Variants in EYS observed in about 807,000 individuals in gnomAD.
EYS encodes the protein EGF-like photoreceptor maintenance factor.
A neutral mutation model predicts 282.1 loss-of-function variants in EYS; 250 were observed. That is an observed-to-expected ratio of 0.89 (90% CI 0.80 to 0.98). The LOEUF (loss-of-function observed/expected upper bound fraction) is 0.98. EYS is among the 50% of genes least tolerant of loss of function. EYS has a pLI of 0.00. For synonymous variants in EYS, 1,355 were observed against 1,282.9 expected (o/e 1.06, Z -1.20); for missense variants, 4,016 against 3,709.0 (o/e 1.08, Z -2.15).
At chr6:64,168,260 C>CAATA (rs377467664) in intron 31 of EYS, among the ~76,000 whole-genome samples, 87 of 151,386 alleles carry the variant, frequency 5.7e-4, no homozygotes, top group East Asian at 2.1e-3. Flanking sequence ...AACTCCATTT[C>CAATA]AATAAATAAA....
At chr6:65,632,350 T>G (rs1766946871) in intron 2 of EYS, among the ~76,000 whole-genome samples, 1 of 152,172 alleles carries the variant, frequency 6.6e-6, no homozygotes, top group African/African-American at 2.4e-5. Context: ...GTGTAAATAC[T>G]CAAATAAAAT....
chr6:64,147,193 G>T (rs113365202), intron 31 of EYS, among the ~76,000 whole-genome samples: 2 of 152,038 alleles, frequency 1.3e-5, no homozygotes, highest in African/African-American at 4.8e-5. Context: ...AGTATCTGCC[G>T]TTGGGAGATC....
At chr6:64,103,907 T>C (rs1345168118) in intron 31 of EYS, among the ~76,000 whole-genome samples, 7 of 152,016 alleles carry the variant, frequency 4.6e-5, no homozygotes, top group African/African-American at 1.7e-4. Flanking sequence ...GACTTGGCAA[T>C]GAGTATGTTG....
chr6:65,243,780 G>A (rs1036487784), intron 12 of EYS, among the ~76,000 whole-genome samples: 7 of 151,978 alleles, frequency 4.6e-5, no homozygotes, highest in African/African-American at 9.7e-5. Flanking sequence ...GTGGTGGCAC[G>A]GGCCTGTAAT....
chr6:63,738,066 T>C (rs1768970268), intron 41 of EYS, among the ~76,000 whole-genome samples: 1 of 152,092 alleles, frequency 6.6e-6, no homozygotes, highest in Admixed American at 6.5e-5. Flanking sequence ...AGAATGGTAA[T>C]CATTAAAAAG....
At chr6:65,009,209 C>A (rs994297087) in intron 13 of EYS, among the ~76,000 whole-genome samples, 1 of 152,056 alleles carries the variant, frequency 6.6e-6, no homozygotes, top group Non-Finnish European at 1.5e-5. Flanking sequence ...CTTTCCCTAC[C>A]AAAGGCAGTA....
chr6:65,355,478 G>T (rs774050681), intron 8 of EYS, among the ~76,000 whole-genome samples: 6 of 152,012 alleles, frequency 3.9e-5, no homozygotes, highest in Admixed American at 1.3e-4. Context: ...AATAAGACTT[G>T]ATTAACCTAA....
At chr6:64,515,771 G>A (rs1777541625) in intron 26 of EYS, among the ~76,000 whole-genome samples, 1 of 151,270 alleles carries the variant, frequency 6.6e-6, no homozygotes, top group South Asian at 2.1e-4. Context: ...TAAAATGAAG[G>A]CATAAAATAA....
At chr6:64,666,427 A>C (rs1341683946) in intron 22 of EYS, among the ~76,000 whole-genome samples, 1 of 152,212 alleles carries the variant, frequency 6.6e-6, no homozygotes, top group Non-Finnish European at 1.5e-5. Flanking sequence ...TTTGGGATCA[A>C]TGCAATAAAT....
Position 64,692,977 on chromosome 6 carries a change from C to CTTTTTTTTTTTTTTTTTT in EYS, c.3444-66750_3444-66733dup. Among the ~76,000 whole-genome samples, 41 of 11,496 alleles carry CTTTTTTTTTTTTTTTTTT rather than the reference C, an allele frequency of 3.6e-3. 16 individuals are homozygous for CTTTTTTTTTTTTTTTTTT. Among genetic ancestry groups the CTTTTTTTTTTTTTTTTTT allele is most frequent in the South Asian group, 8.3e-3 (1 of 120 alleles). The allele number at this position is 11,496 out of a possible 152,430, so 7.5% of individuals were successfully genotyped here. ...CTTGGGATTGGTTTGGCTGCTTGGG[C>CTTTTTTTTTTTTTTTTTT]TTTTTTTTTTTTTTTTTTTTTTGGT... On this transcript the variant is annotated intron_variant, in intron 22 of 42. Transcript: ENST00000503581.
intron 12 of EYS, among the ~76,000 whole-genome samples, chr6:65,258,576 A>G (rs1245587438): frequency 6.6e-6 from 1 of 152,070 alleles, no homozygotes; most frequent in Non-Finnish European, 1.5e-5. Context: ...CAACCAACAA[A>G]TAATTTCAAA....
rs995251821 is a variant in EYS, at chr6:65,579,420, C to T, written c.-333+60358G>A. On this transcript the variant is annotated intron_variant, in intron 2 of 42. Coordinates refer to ENST00000503581, the MANE Select transcript of EYS (RefSeq NM_001142800.2). Reference sequence around the variant, plus strand: ...TATTTCTGGAAATATATATCAGAGACGGCAAAGGTCTTTGTGTATTAGCCA... The same window carrying T: ...TATTTCTGGAAATATATATCAGAGATGGCAAAGGTCTTTGTGTATTAGCCA... Among the ~76,000 whole-genome samples, 4 of 152,014 alleles carry T rather than the reference C, an allele frequency of 2.6e-5. No homozygotes were observed. The East Asian group carries it at 5.8e-4, about 22-fold the overall frequency.
chr6:65,203,762 G>A (rs1010241625), intron 12 of EYS, among the ~76,000 whole-genome samples: 3 of 151,746 alleles, frequency 2.0e-5, no homozygotes, highest in African/African-American at 7.3e-5. Flanking sequence ...TTCAAACAAA[G>A]AATTTAAGAT....
intron 26 of EYS, among the ~76,000 whole-genome samples, chr6:64,527,792 T>C (rs888834584): frequency 2.0e-5 from 3 of 151,752 alleles, no homozygotes; most frequent in East Asian, 3.8e-4. Flanking sequence ...TTTTTTGTTA[T>C]ACAACATTTT....
At chr6:64,127,668 T>C (rs952324398) in intron 31 of EYS, among the ~76,000 whole-genome samples, 2 of 152,112 alleles carry the variant, frequency 1.3e-5, no homozygotes, top group African/African-American at 4.8e-5. Flanking sequence ...GCTATACTTA[T>C]GGCTCAAGAC....
intron 12 of EYS, among the ~76,000 whole-genome samples, chr6:65,136,639 A>G (rs1776029323): frequency 6.6e-6 from 1 of 151,436 alleles, no homozygotes; most frequent in Non-Finnish European, 1.5e-5. Context: ...TCACACATAT[A>G]TTATCAAAAC....
intron 12 of EYS, among the ~76,000 whole-genome samples, chr6:65,128,532 A>C (rs1775781008): frequency 6.6e-6 from 1 of 152,084 alleles, no homozygotes; most frequent in African/African-American, 2.4e-5. Flanking sequence ...ATACACAAAT[A>C]AAGTTTAAGC....
At chr6:63,944,240 T>G (rs2149760035) in intron 35 of EYS, among the ~76,000 whole-genome samples, 1 of 152,268 alleles carries the variant, frequency 6.6e-6, no homozygotes, top group Admixed American at 6.5e-5. Context: ...CAGCAAAATA[T>G]AAGGCAGTGC....
At chr6:65,142,316 C>T (rs56244293) in intron 12 of EYS, among the ~76,000 whole-genome samples, 38,802 of 151,478 alleles carry the variant, frequency 0.26, 5,245 homozygotes, top group African/African-American at 0.35. Context: ...AAGACAATTA[C>T]ATTATAATCA....
Sources: allele counts gnomAD v4.1 joint callset (sites outside exome capture counted in the v4.1 genomes callset), GRCh38; gene constraint gnomAD v4.1.1; transcripts MANE v1.5; gene names NCBI Gene and HGNC (gene_info 2026-07-23, HGNC 2026-07-21).